The following MMP8 variants were observed in gnomAD, a reference collection of about 807,000 sequenced individuals.
MMP8 encodes matrix metallopeptidase 8, also known as neutrophil collagenase.
A neutral mutation model predicts 51.2 loss-of-function variants in MMP8; 67 were observed. The observed-to-expected ratio is 1.31, with a 90% CI of 1.08 to 1.60. MMP8 has a LOEUF of 1.60. MMP8 is among the 40% of genes most tolerant of loss of function. The pLI is 0.00. For synonymous variants in MMP8, 225 were observed against 191.0 expected (o/e 1.18, Z -1.47); for missense variants, 654 against 558.1 (o/e 1.17, Z -1.73).
At chr11:102,724,716 C>T (rs1460454760) in intron 1 of MMP8, 38 bp downstream of exon 1, 1 of 1,516,752 alleles carries the variant, frequency 6.6e-7, no homozygotes, top group South Asian at 1.3e-5. Context: ...TCCTAATAAT[C>T]AGCAAATCAA....
intron 6 of MMP8, 125 bp from the exon 7 acceptor site, chr11:102,715,562 A>G: frequency 1.6e-6 from 2 of 1,284,804 alleles, no homozygotes; most frequent in Non-Finnish European, 2.1e-6. Context: ...AATCGAACGA[A>G]TGCAAAGTTC....
chr11:102,722,962 C>G (rs1215070334), intron 1 of MMP8: 1 of 1,307,272 alleles, frequency 7.6e-7, no homozygotes, highest in South Asian at 1.2e-5. Context: ...AGACTGTCTT[C>G]TTGTTTTTAC....
At chr11:102,715,080 T>G (rs569834879) in intron 7 of MMP8, among the ~76,000 whole-genome samples, 3 of 151,972 alleles carry the variant, frequency 2.0e-5, no homozygotes, top group African/African-American at 7.2e-5. Context: ...TCTAGTGTGG[T>G]CTCATTTTGT....
At chr11:102,723,115 T>G (rs1861523411) in intron 1 of MMP8, 4 of 1,172,226 alleles carry the variant, frequency 3.4e-6, no homozygotes, top group Non-Finnish European at 4.5e-6. Context: ...ATTAAGGAAT[T>G]TTCCAAGTGA....
chr11:102,715,196 A>G lies in MMP8; in HGVS notation c.1036+108T>C, dbSNP rs1004248216. ...CTAGTCTTCTGGCAAAAGCCTGGCC[A>G]GCTTAATGCTGTCATTAGCTCACCA... On this transcript the variant is annotated intron_variant, in intron 7 of 9. Coordinates refer to ENST00000236826, the MANE Select transcript of MMP8 (RefSeq NM_002424.3). The G allele has an allele frequency of 5.1e-6, 7 of 1,365,066 alleles. No homozygotes were observed. In the Admixed American group the frequency reaches 1.7e-4, roughly 34 times the overall value. The allele number at this position is 1,365,066 out of a possible 1,614,324, so 84.6% of individuals were successfully genotyped here.
rs147095237 is a variant in MMP8 at position 102,724,922 on chromosome 11, G to A, written c.-67C>T. 1,500 of 1,539,546 alleles carry A rather than the reference G, an allele frequency of 9.7e-4. 22 individuals carry two copies. The East Asian group carries it at 0.024, about 25-fold the overall frequency. ...TCCCTCTGGGTAGGGCCCTTCCCTG[G>A]CGAGCACCCTGACGTTCACAGCATC... On this transcript the variant is annotated 5_prime_UTR_variant, in exon 1 of 10. Transcript: ENST00000236826.
intron 3 of MMP8, 34 bp from the exon 4 acceptor site, chr11:102,721,560 A>C: frequency 6.2e-7 from 1 of 1,613,536 alleles, no homozygotes; most frequent in Non-Finnish European, 8.5e-7. Context: ...GATCCTTGCC[A>C]AGTTTCAGGT....
intron 1 of MMP8, chr11:102,722,952 A>G (rs944745746): frequency 4.0e-6 from 5 of 1,240,404 alleles, no homozygotes; most frequent in Non-Finnish European, 5.4e-6. Flanking sequence ...TACAGTCAGG[A>G]GACTGTCTTC....
intron 2 of MMP8, 92 bp from the exon 3 acceptor site, chr11:102,721,854 T>C (rs562691422): frequency 4.2e-6 from 6 of 1,439,768 alleles, no homozygotes; most frequent in Non-Finnish European, 4.7e-6. Flanking sequence ...GTGAGTTGCA[T>C]CATGGTGTGC....
intron 7 of MMP8, 115 bp downstream of exon 7, chr11:102,715,189 C>A (rs1861252013): frequency 7.6e-7 from 1 of 1,316,242 alleles, no homozygotes; most frequent in Middle Eastern, 1.9e-4. Flanking sequence ...CTGGCAAAAG[C>A]CTGGCCAGCT....
chr11:102,716,186 G>A (rs1026021177), intron 6 of MMP8, 116 bp downstream of exon 6: 27 of 727,588 alleles, frequency 3.7e-5, no homozygotes, highest in South Asian at 3.0e-4. Flanking sequence ...AAATTCCGAT[G>A]AGAAGCACAA....
intron 1 of MMP8, among the ~76,000 whole-genome samples, chr11:102,724,183 G>A (rs1467673724): frequency 6.6e-6 from 1 of 152,126 alleles, no homozygotes; most frequent in Admixed American, 6.5e-5. Flanking sequence ...TTAAAAATTT[G>A]GGTTCACTTT....
chr11:102,722,771 A>C, intron 1 of MMP8, 98 bp from the exon 2 acceptor site: 1 of 1,494,250 alleles, frequency 6.7e-7, no homozygotes, highest in South Asian at 1.3e-5. Flanking sequence ...AGGTCTGATA[A>C]CTTGACAGCC....
At chr11:102,718,691 T>C (rs1861380371) in intron 4 of MMP8, 116 bp from the exon 5 acceptor site, 3 of 1,114,908 alleles carry the variant, frequency 2.7e-6, no homozygotes, top group East Asian at 2.4e-5. Context: ...GCCCTTCCCA[T>C]GGCTGTCTTT....
In MMP8 at chr11:102,718,551, G is replaced by C. The variant is rs754346350; in HGVS notation, c.647C>G (p.Ala216Gly). Residue 216 changes from alanine (A) to glycine (G), a missense_variant, in exon 5 of 10, where the codon GCT becomes GGT. Physicochemically the swap from Ala to Gly is moderately conservative, Grantham distance 60 (BLOSUM62 0). Transcript: ENST00000236826. The part of the protein sequence containing the change: ...SANYNLFLVA[A>G]HEFGHSLGLA... ...CCCCAAAGAATGGCCAAATTCATGAGCAGCAACAAGAAACAAGTTGTAATC... is the reference window on the plus strand; with the variant it reads ...CCCCAAAGAATGGCCAAATTCATGACCAGCAACAAGAAACAAGTTGTAATC... 1.4e-5 allele frequency: 23 copies of C among 1,613,792 alleles called. No individual in the cohort carries two copies. Among genetic ancestry groups the C allele is most frequent in the Non-Finnish European group, 1.5e-5 (18 of 1,179,872 alleles).
Position 102,721,655 on chromosome 11 carries a change from G to A in MMP8, c.455C>T (p.Ser152Leu). The A allele has an allele frequency of 6.2e-7, 1 of 1,613,866 alleles. No homozygotes were observed. Among genetic ancestry groups the A allele is most frequent in the South Asian group, 1.1e-5 (1 of 91,070 alleles). Residue 152 changes from serine (S) to leucine (L), a missense_variant, in exon 3 of 10, where the codon TCA (serine) becomes TTA (leucine). Coordinates refer to ENST00000236826, the MANE Select transcript of MMP8 (RefSeq NM_002424.3). Reference sequence around the variant, plus strand: ...AATGTTGATATCTGCCTCTCCCTGTGAGATCCTGGTGAAGATGAGAGGTGA... The same window carrying A: ...AATGTTGATATCTGCCTCTCCCTGTAAGATCCTGGTGAAGATGAGAGGTGA... The part of the protein sequence containing the change: ...VASPLIFTRI[S>L]QGEADINIAF...
chr11:102,718,979 C>CAAGT (rs1834228605), intron 4 of MMP8, among the ~76,000 whole-genome samples: 1 of 152,146 alleles, frequency 6.6e-6, no homozygotes, highest in African/African-American at 2.4e-5. Flanking sequence ...TCCCTGTGAG[C>CAAGT]AAGTAGTTAG....
chr11:102,715,433 A>C lies in MMP8; in HGVS notation c.907T>G (p.Phe303Val). The change falls in exon 7 of 10, where the codon TTC becomes GTC. Residue 303 changes from phenylalanine to valine, a missense_variant. By Grantham distance (50) the Phe-to-Val change is conservative. Coordinates refer to ENST00000236826, the MANE Select transcript of MMP8 (RefSeq NM_002424.3). ...GEILFFKDRYFWRRHPQLQRV... is the reference protein window; with the variant it reads ...GEILFFKDRYVWRRHPQLQRV... ...TGTAGCTGAGGATGCCTTCTCCAGA[A>C]GTACCTAACGGAACATAAGGAAACA... 1 of 1,612,066 alleles carries C rather than the reference A, an allele frequency of 6.2e-7. No individual in the cohort carries two copies. Among genetic ancestry groups the C allele is most frequent in the African/African-American group, 1.3e-5 (1 of 74,890 alleles).
In MMP8 at chr11:102,724,765, T is replaced by C. The variant is rs1861571749; in HGVS notation, c.91A>G (p.Lys31Glu). The part of the protein sequence containing the change: ...FPVSSKEKNT[K>E]TVQDYLEKFY... ...GATAGTTCATTTACCTGAACAGTTT[T>C]TGTATTTTTCTCTTTAGAAGATACA... Residue 31 changes from lysine to glutamate, a missense_variant, in exon 1 of 10, where the codon AAA (lysine) becomes GAA (glutamate). Transcript: ENST00000236826. The C allele has an allele frequency of 1.9e-6, 3 of 1,597,990 alleles. No individual in the cohort carries two copies. The highest frequency in any genetic ancestry group is 1.7e-5 in the Admixed American group (1 of 58,926).
Sources: gnomAD v4.1 joint callset for allele counts (sites outside exome capture counted in the v4.1 genomes callset) on GRCh38, gnomAD v4.1.1 for gene constraint, MANE v1.5 for transcripts, NCBI Gene and HGNC (gene_info 2026-07-23, HGNC 2026-07-21) for gene names.